The following GLE1 variants were observed in gnomAD, a reference collection of about 807,000 sequenced individuals.
The protein encoded by GLE1 is GLE1 RNA export mediator.
A neutral mutation model predicts 97.3 loss-of-function variants in GLE1; 78 were observed. That is an observed-to-expected ratio of 0.80 (90% CI 0.67 to 0.97). The LOEUF (loss-of-function observed/expected upper bound fraction) is 0.97, where lower values mean the gene tolerates loss of function less well. Ranked by LOEUF, GLE1 falls within the 50% of genes least tolerant of loss-of-function variation. GLE1 has a pLI of 0.00. For missense variants in GLE1, 753 were observed against 857.5 expected (o/e 0.88, Z 1.52); for synonymous variants, 302 against 313.4 (o/e 0.96, Z 0.39).
chr9:128,540,550 G>C, intron 15 of GLE1: 1 of 586,368 alleles, frequency 1.7e-6, no homozygotes, highest in Non-Finnish European at 3.1e-6. Flanking sequence ...CTGCCTGTGA[G>C]AAAGCTATGC....
chr9:128,525,607 T>G (rs1263578404), intron 7 of GLE1, among the ~76,000 whole-genome samples, 184 bp downstream of exon 7: 2 of 152,258 alleles, frequency 1.3e-5, no homozygotes, highest in Non-Finnish European at 2.9e-5. Flanking sequence ...CGTGAGGACT[T>G]GAAATTCTGT....
chr9:128,522,280 C>T (rs1847172281), intron 3 of GLE1, among the ~76,000 whole-genome samples: 1 of 152,198 alleles, frequency 6.6e-6, no homozygotes, highest in African/African-American at 2.4e-5. Context: ...CCTTAAGTAT[C>T]TCTGATGGTG....
chr9:128,520,422 A>G (rs1245223066), intron 3 of GLE1, among the ~76,000 whole-genome samples: 2 of 147,878 alleles, frequency 1.4e-5, no homozygotes, highest in African/African-American at 4.9e-5. Context: ...ATATATATGT[A>G]TATATGTATA....
intron 3 of GLE1, among the ~76,000 whole-genome samples, chr9:128,516,943 A>G (rs1466051936): frequency 6.6e-6 from 1 of 151,796 alleles, no homozygotes; most frequent in Non-Finnish European, 1.5e-5. Flanking sequence ...TTTTTTAATT[A>G]GGAAAGCAAT....
intron 9 of GLE1, among the ~76,000 whole-genome samples, chr9:128,528,319 T>C (rs1477070085): frequency 6.7e-6 from 1 of 150,372 alleles, no homozygotes; most frequent in Admixed American, 6.6e-5. Flanking sequence ...TTTTTTTTTT[T>C]TTGAGATGTA....
At chr9:128,506,666 C>T (rs1846649037) in intron 1 of GLE1, among the ~76,000 whole-genome samples, 1 of 152,174 alleles carries the variant, frequency 6.6e-6, no homozygotes, top group Non-Finnish European at 1.5e-5. Context: ...ACCATTGCTT[C>T]TAGGCCTTCT....
chr9:128,531,214 CAAAAAAA>C (rs34976261), intron 9 of GLE1, among the ~76,000 whole-genome samples: 2 of 40,870 alleles, frequency 4.9e-5, no homozygotes, highest in Admixed American at 5.5e-4. Flanking sequence ...AACTCCATCT[CAAAAAAA>C]AAAAAAAAAA....
chr9:128,523,369 G>A (rs568953922), intron 5 of GLE1, 29 bp downstream of exon 5: 25 of 1,589,790 alleles, frequency 1.6e-5, no homozygotes, highest in Non-Finnish European at 2.0e-5. Flanking sequence ...TGGTGTGGGT[G>A]TTTTGGTGTC....
At chr9:128,515,124 A>C (rs1846943706) in intron 2 of GLE1, among the ~76,000 whole-genome samples, 1 of 152,116 alleles carries the variant, frequency 6.6e-6, no homozygotes, top group Non-Finnish European at 1.5e-5. Context: ...CGGCCTGAGG[A>C]TAGAGTACTT....
chr9:128,522,838 C>G (rs926901636), intron 4 of GLE1, 22 bp downstream of exon 4: 4 of 1,612,842 alleles, frequency 2.5e-6, no homozygotes, highest in Non-Finnish European at 2.5e-6. Flanking sequence ...TGAATTATGA[C>G]TGGGAATGTT....
rs770178495 is a variant in GLE1 at position 128,523,866 on chromosome 9, G to T, written c.897+20G>T. The stretch of plus-strand genomic sequence containing the variant: ...TCAGAGGTGAGGGGGGCTTCAGAGT[G>T]ACTCTTTGCTGTCTTTGAAATGGAA... On this transcript the variant is annotated intron_variant, in intron 6 of 15. Coordinates refer to ENST00000309971, the MANE Select transcript of GLE1 (RefSeq NM_001003722.2). 6 of 1,613,352 alleles carry T rather than the reference G, an allele frequency of 3.7e-6. No homozygotes were observed. In the South Asian group the frequency reaches 6.6e-5, roughly 18 times the overall value.
At position 128,523,815 on chromosome 9, in the gene GLE1, T is replaced by C. The variant is rs778765574; in HGVS notation, c.866T>C (p.Leu289Pro). ...FQTRGNQLCS[L>P]ISGIIRASSE... is the part of the protein sequence containing the mutation. ...ACCCGAGGCAACCAGCTGTGCAGCC[T>C]CATCTCAGGGATCATCCGGGCCTCT... The change falls in exon 6 of 16, where the codon CTC becomes CCC. Residue 289 changes from leucine (L) to proline (P), a missense_variant. Transcript: ENST00000309971. 6.2e-7 allele frequency: 1 copy of C among 1,614,024 alleles called. No homozygotes were observed. The highest frequency in any genetic ancestry group is 1.1e-5 in the South Asian group (1 of 91,074).
chr9:128,527,352 T>C (rs915144477), intron 8 of GLE1, 61 bp downstream of exon 8: 6 of 1,279,686 alleles, frequency 4.7e-6, no homozygotes, highest in African/African-American at 1.5e-5. Context: ...GAATGATCAC[T>C]TCGTGTCCCA....
chr9:128,508,912 T>C lies in GLE1; in HGVS notation c.136T>C (p.Ser46Pro). 1 of 1,610,328 alleles carries C rather than the reference T, an allele frequency of 6.2e-7. No homozygotes were observed. Among genetic ancestry groups the C allele is most frequent in the Non-Finnish European group, 8.5e-7 (1 of 1,176,516 alleles). ...AGAATGTATGTCTCTTCCCAAGCTA[T>C]CTTCTTATTCTGGATGGGTGGTAGA... ...LEECMSLPKLSSYSGWVVEHV... is the reference protein window; with the variant it reads ...LEECMSLPKLPSYSGWVVEHV... Residue 46 changes from serine (S) to proline (P), a missense_variant, in exon 2 of 16, where the codon TCT becomes CCT. Transcript: ENST00000309971.
chr9:128,528,721 G>A (rs936333304), intron 9 of GLE1, among the ~76,000 whole-genome samples: 2 of 152,202 alleles, frequency 1.3e-5, no homozygotes, highest in Non-Finnish European at 2.9e-5. Flanking sequence ...GTGACTTGCA[G>A]GCTTTGCTTC....
intron 11 of GLE1, among the ~76,000 whole-genome samples, chr9:128,534,982 G>T (rs952852960): frequency 1.3e-5 from 2 of 151,826 alleles, no homozygotes; most frequent in African/African-American, 4.8e-5. Flanking sequence ...CTCCCAAAGT[G>T]CTGGGATTAC....
chr9:128,523,632 T>G lies in GLE1; in HGVS notation c.683T>G (p.Val228Gly), dbSNP rs748208902. The change falls in exon 6 of 16, where the codon GTG becomes GGG. Residue 228 changes from valine (V) to glycine (G), a missense_variant. Val to Gly is a moderately radical substitution (Grantham distance 109, BLOSUM62 -3). Coordinates refer to ENST00000309971, the MANE Select transcript of GLE1 (RefSeq NM_001003722.2). ...CTGCGGGAAGCAGAGCAGCAGCGCG[T>G]GAAGCAAGCAGAACAGGAGCGGCTT... ...LKLREAEQQR[V>G]KQAEQERLRK... 6.2e-7 allele frequency: 1 copy of G among 1,613,872 alleles called. No individual in the cohort carries two copies. The highest frequency in any genetic ancestry group is 8.5e-7 in the Non-Finnish European group (1 of 1,180,004).
At chr9:128,525,499 GT>G in intron 7 of GLE1, 76 bp downstream of exon 7, 1 of 976,572 alleles carries the variant, frequency 1.0e-6, no homozygotes, top group Non-Finnish European at 1.6e-6. Flanking sequence ...TGTTTTGAAT[GT>G]TGTGTTAAAC....
At chr9:128,525,655 T>C (rs1847280500) in intron 7 of GLE1, among the ~76,000 whole-genome samples, 1 of 152,222 alleles carries the variant, frequency 6.6e-6, no homozygotes, top group Non-Finnish European at 1.5e-5. Flanking sequence ...TTATTGCTGC[T>C]GCTGAGTATT....
Sources: gnomAD v4.1 joint callset for allele counts (sites outside exome capture counted in the v4.1 genomes callset) on GRCh38, gnomAD v4.1.1 for gene constraint, MANE v1.5 for transcripts, NCBI Gene and HGNC (gene_info 2026-07-23, HGNC 2026-07-21) for gene names.